NIPBL: variants seen among roughly 807,000 people sequenced by gnomAD.
The protein encoded by NIPBL is NIPBL cohesin loading factor.
In NIPBL, 19 loss-of-function variants were observed where a neutral mutation model predicts 321.8. The observed-to-expected ratio is 0.06, with a 90% CI of 0.04 to 0.09. The LOEUF (loss-of-function observed/expected upper bound fraction) is 0.09. Among genes scored for constraint, NIPBL ranks in the 10% least tolerant of loss-of-function variants. NIPBL has a pLI of 1.00. For synonymous variants in NIPBL, 1,106 were observed against 1,114.1 expected (o/e 0.99, Z 0.14); for missense variants, 2,210 against 3,327.0 (o/e 0.66, Z 8.26).
intron 25 of NIPBL, among the ~76,000 whole-genome samples, chr5:37,019,896 T>C (rs1262788909): frequency 1.3e-5 from 2 of 152,256 alleles, no homozygotes; most frequent in African/African-American, 4.8e-5. Context: ...TATTTTATTT[T>C]ATTTTTTAAC....
intron 1 of NIPBL, among the ~76,000 whole-genome samples, chr5:36,934,805 G>A (rs187933110): frequency 2.6e-5 from 4 of 151,756 alleles, no homozygotes; most frequent in Admixed American, 1.3e-4. Context: ...GCTATAGGTA[G>A]ACCTAAGTAG....
At chr5:37,010,919 A>C (rs1748044687) in intron 21 of NIPBL, among the ~76,000 whole-genome samples, 2 of 152,308 alleles carry the variant, frequency 1.3e-5, no homozygotes, top group South Asian at 2.1e-4. Context: ...CTAAAATCTG[A>C]AACTTTTTGA....
At chr5:37,052,280 T>TA (rs1278322829) in intron 41 of NIPBL, 86 bp from the exon 42 acceptor site, 23 of 1,035,498 alleles carry the variant, frequency 2.2e-5, no homozygotes, top group Non-Finnish European at 3.2e-5. Context: ...ACAATGAAGC[T>TA]AGCCTCAGAA....
At chr5:36,976,544 C>CA in intron 9 of NIPBL, 142 bp downstream of exon 9, 3 of 754,724 alleles carry the variant, frequency 4.0e-6, no homozygotes, top group Non-Finnish European at 6.4e-6. Flanking sequence ...TACTAATACT[C>CA]ATAATGCAGA....
In NIPBL at chr5:36,985,033, G is replaced by C. The variant is rs1744587145; in HGVS notation, c.1853G>C (p.Ser618Thr). ...AAGAGTGAAATGAAACAAAGTGAAAGTAGATTAGCAGAATCTAAACCAAAT... is the reference window on the plus strand; with the variant it reads ...AAGAGTGAAATGAAACAAAGTGAAACTAGATTAGCAGAATCTAAACCAAAT... ...LSKSEMKQSESRLAESKPNEN... is the reference protein window; with the variant it reads ...LSKSEMKQSETRLAESKPNEN... Residue 618 changes from serine to threonine, a missense_variant, in exon 10 of 47, where the codon AGT becomes ACT. Coordinates refer to ENST00000282516, the MANE Select transcript of NIPBL (RefSeq NM_133433.4). 1 of 1,613,856 alleles carries C rather than the reference G, an allele frequency of 6.2e-7. No homozygotes were observed. Among genetic ancestry groups the C allele is most frequent in the Non-Finnish European group, 8.5e-7 (1 of 1,179,932 alleles).
intron 1 of NIPBL, among the ~76,000 whole-genome samples, chr5:36,887,628 AC>A (rs1746016600): frequency 6.6e-6 from 1 of 152,004 alleles, no homozygotes; most frequent in Admixed American, 6.6e-5. Flanking sequence ...TCCTCTACCT[AC>A]CCCTTTAAAT....
intron 34 of NIPBL, among the ~76,000 whole-genome samples, chr5:37,040,889 A>G (rs892414248): frequency 6.6e-6 from 1 of 152,156 alleles, no homozygotes; most frequent in Non-Finnish European, 1.5e-5. Context: ...ATAATTCATT[A>G]TTGCTTCAGT....
chr5:37,010,359 A>C (rs1747972100), intron 21 of NIPBL, 134 bp downstream of exon 21: 1 of 700,216 alleles, frequency 1.4e-6, no homozygotes, highest in Non-Finnish European at 2.3e-6. Flanking sequence ...TCTGTCACCC[A>C]GGCTGGAGTG....
intron 45 of NIPBL, 93 bp downstream of exon 45, chr5:37,061,111 C>A: frequency 1.2e-6 from 1 of 866,634 alleles, no homozygotes; most frequent in Non-Finnish European, 1.9e-6. Context: ...ATCTCCTTCA[C>A]ATTGAATATA....
At position 37,027,290 on chromosome 5, in the gene NIPBL, A is replaced by G. The variant is rs150601525; in HGVS notation, c.5809-69A>G. 2.7e-3 allele frequency: 3,223 copies of G among 1,195,780 alleles called. 76 individuals carry two copies. The African/African-American group carries it at 0.044, about 16-fold the overall frequency. 74.1% of individuals were successfully genotyped at this position (1,195,780 alleles called of 1,614,324 possible). A position where few individuals can be genotyped will look rare whatever the true frequency, so the allele number is the denominator to read the frequency against. ...ATTGAAACATGTTTCAGGCTAAAGC[A>G]TAACAAAAGTATATTTTATTCACAT... On this transcript the variant is annotated intron_variant, in intron 31 of 46. Transcript: ENST00000282516.
chr5:36,916,649 A>C (rs1156829391), intron 1 of NIPBL, among the ~76,000 whole-genome samples: 45 of 136,246 alleles, frequency 3.3e-4, no homozygotes, highest in South Asian at 7.0e-4. Context: ...ATCCCTCCCC[A>C]CTCCCCCCAC....
At chr5:36,973,121 G>A (rs557807543) in intron 8 of NIPBL, among the ~76,000 whole-genome samples, 1 of 152,056 alleles carries the variant, frequency 6.6e-6, no homozygotes. Context: ...TTATCAGTTT[G>A]TTGGAAGAGA....
intron 34 of NIPBL, among the ~76,000 whole-genome samples, chr5:37,040,749 T>C (rs1364170857): frequency 6.6e-6 from 1 of 152,194 alleles, no homozygotes; most frequent in Non-Finnish European, 1.5e-5. Context: ...ACAATGGTTA[T>C]TTTGGTGTTC....
At chr5:36,892,027 CA>C (rs946456460) in intron 1 of NIPBL, among the ~76,000 whole-genome samples, 2 of 151,986 alleles carry the variant, frequency 1.3e-5, no homozygotes, top group African/African-American at 2.4e-5. Context: ...TATAGTGTAC[CA>C]AAACCTGTAT....
chr5:37,057,438 A>G (rs922008226), intron 43 of NIPBL, 106 bp downstream of exon 43: 1 of 1,155,264 alleles, frequency 8.7e-7, no homozygotes, highest in Non-Finnish European at 1.3e-6. Context: ...ACGAGTATAT[A>G]AAATCTTTCT....
At chr5:36,999,533 T>C (rs1746540296) in intron 11 of NIPBL, among the ~76,000 whole-genome samples, 1 of 152,186 alleles carries the variant, frequency 6.6e-6, no homozygotes, top group South Asian at 2.1e-4. Context: ...TCTCAGGGCT[T>C]GGGGTTATTT....
chr5:36,927,190 A>C (rs1462102023), intron 1 of NIPBL, among the ~76,000 whole-genome samples: 4 of 152,184 alleles, frequency 2.6e-5, no homozygotes, highest in Non-Finnish European at 5.9e-5. Context: ...CCTCCACTCC[A>C]TTTCATTTAA....
chr5:36,956,525 G>A (rs1351965414), intron 3 of NIPBL, among the ~76,000 whole-genome samples: 1 of 148,904 alleles, frequency 6.7e-6, no homozygotes, highest in Non-Finnish European at 1.5e-5. Context: ...TTCTAATGGA[G>A]AAGCTAAGAA....
At chr5:37,052,676 A>C in intron 42 of NIPBL, 110 bp downstream of exon 42, 5 of 816,610 alleles carry the variant, frequency 6.1e-6, no homozygotes. Flanking sequence ...TAGTAACTTC[A>C]TTAAGTGTTT....
Sources: gnomAD v4.1 joint callset for allele counts (sites outside exome capture counted in the v4.1 genomes callset) on GRCh38, gnomAD v4.1.1 for gene constraint, MANE v1.5 for transcripts, NCBI Gene and HGNC (gene_info 2026-07-23, HGNC 2026-07-21) for gene names.